The following XYLT2 variants were observed in gnomAD, a reference collection of about 807,000 sequenced individuals.
XYLT2 encodes the protein UDP-D-xylose:proteoglycan core protein beta-D-xylosyltransferase.
A neutral mutation model predicts 82.6 loss-of-function variants in XYLT2; 37 were observed. That is an observed-to-expected ratio of 0.45 (90% CI 0.34 to 0.59). The LOEUF (loss-of-function observed/expected upper bound fraction) is 0.59, where lower values mean the gene tolerates loss of function less well. Among genes scored for constraint, XYLT2 ranks in the 20% least tolerant of loss-of-function variants. The probability of loss-of-function intolerance (pLI) is 0.01; values close to 1 mark genes in which losing one functional copy is unlikely to be tolerated. For missense variants in XYLT2, 934 were observed against 1,181.3 expected (o/e 0.79, Z 3.07); for synonymous variants, 474 against 499.0 (o/e 0.95, Z 0.67).
rs73344080 is a variant in XYLT2 at position 50,346,539 on chromosome 17, A to G, written c.135+264A>G. The G allele has an allele frequency of 0.028, 25,458 of 922,946 alleles. 1,412 individuals carry two copies. Among genetic ancestry groups the G allele is most frequent in the African/African-American group, 0.21 (11,733 of 56,164 alleles). 57.2% of individuals were successfully genotyped at this position (922,946 alleles called of 1,614,324 possible). ...TCGGGCGGGGGGAGCAGGTCATGCT[A>G]GGGTGGTCTCCGGCCAAGGGAGCGA... On this transcript the variant is annotated intron_variant, in intron 1 of 10. Transcript: ENST00000017003. This position sits in a 1 kb window ranked among gnomAD's most constrained non-coding sequence, Gnocchi z 5.1.
At chr17:50,352,775 G>A in intron 1 of XYLT2, among the ~76,000 whole-genome samples, 1 of 152,222 alleles carries the variant, frequency 6.6e-6, no homozygotes, top group East Asian at 1.9e-4. Flanking sequence ...CGAGGTGACA[G>A]CCTCCAGCTG....
At chr17:50,355,378 G>T in intron 4 of XYLT2, 123 bp from the exon 5 acceptor site, 1 of 1,069,214 alleles carries the variant, frequency 9.4e-7, no homozygotes. Context: ...CCAGACATCA[G>T]CCAGGGGTAG....
At chr17:50,350,698 T>TA (rs550112404) in intron 1 of XYLT2, among the ~76,000 whole-genome samples, 8 of 151,794 alleles carry the variant, frequency 5.3e-5, no homozygotes, top group South Asian at 2.1e-4. Flanking sequence ...AAAGACAAAT[T>TA]AAAAAAACAG....
In XYLT2 at chr17:50,353,790, TAACCAGCCGGCAGAG is replaced by T. The variant is rs1567805524; in HGVS notation, c.298_312del (p.Thr100_Arg104del). 2.6e-6 allele frequency: 4 copies of T among 1,564,758 alleles called. No homozygotes were observed. Among genetic ancestry groups the T allele is most frequent in the Non-Finnish European group, 3.5e-6 (4 of 1,155,306 alleles). Reference sequence around the variant, plus strand: ...CCCGTGGCCAAGGTGGTACGGGCAGTAACCAGCCGGCAGAGAGCCAGCCGGCGGGTCCCACCTGCC... The same window carrying T: ...CCCGTGGCCAAGGTGGTACGGGCAGTAGCCAGCCGGCGGGTCCCACCTGCC... On this transcript the variant is annotated inframe_deletion, in exon 2 of 11. Coordinates refer to ENST00000017003, the MANE Select transcript of XYLT2 (RefSeq NM_022167.4).
At chr17:50,353,333 G>A (rs2097844) in intron 1 of XYLT2, among the ~76,000 whole-genome samples, 70,155 of 151,934 alleles carry the variant, frequency 0.46, 16,841 homozygotes, top group Admixed American at 0.56. Flanking sequence ...GCTGAAAAAG[G>A]AAGTGGTATC....
At chr17:50,357,723 G>A (rs1034748822) in intron 9 of XYLT2, 29 of 163,470 alleles carry the variant, frequency 1.8e-4, no homozygotes, top group African/African-American at 6.2e-4. Flanking sequence ...CTACAGGCGC[G>A]CGCCACCACG....
At chr17:50,357,451 G>A (rs900248160) in intron 9 of XYLT2, 199 bp downstream of exon 9, 7 of 548,142 alleles carry the variant, frequency 1.3e-5, no homozygotes, top group Middle Eastern at 4.7e-4. Flanking sequence ...GGTATGCAGA[G>A]GACATGCAGG....
chr17:50,346,598 C>T lies in XYLT2; in HGVS notation c.135+323C>T, dbSNP rs1912053621. The T allele has an allele frequency of 2.0e-6, 2 of 984,442 alleles. No individual in the cohort carries two copies. Among genetic ancestry groups the T allele is most frequent in the Admixed American group, 6.1e-5 (1 of 16,266 alleles). 61.0% of individuals were successfully genotyped at this position (984,442 alleles called of 1,614,324 possible). A position where few individuals can be genotyped will look rare whatever the true frequency, so the allele number is the denominator to read the frequency against. ...AGGCGCGGCGAGCGGGGCTGGGAGG[C>T]GGGGCTGGGCCCGAACCTGCTCGGA... On this transcript the variant is annotated intron_variant, in intron 1 of 10. Transcript: ENST00000017003. The surrounding 1 kb of genome is among the most constrained non-coding windows in gnomAD (Gnocchi z 5.1).
chr17:50,346,672 T>C lies in XYLT2; in HGVS notation c.135+397T>C, dbSNP rs553813898. 1.0e-6 allele frequency: 1 copy of C among 984,906 alleles called. No homozygotes were observed. The highest frequency in any genetic ancestry group is 4.7e-5 in the South Asian group (1 of 21,252). 61.0% of individuals were successfully genotyped at this position (984,906 alleles called of 1,614,324 possible). A position where few individuals can be genotyped will look rare whatever the true frequency, so the allele number is the denominator to read the frequency against. ...TTCTGAAGTTGGGAGGGGGCGGGGA[T>C]ATGCGCGCCGTGGGCGGAGGAGTAG... On this transcript the variant is annotated intron_variant, in intron 1 of 10. Transcript: ENST00000017003. This position sits in a 1 kb window ranked among gnomAD's most constrained non-coding sequence, Gnocchi z 5.1.
intron 2 of XYLT2, 100 bp from the exon 3 acceptor site, chr17:50,354,308 A>C: frequency 6.7e-7 from 1 of 1,502,610 alleles, no homozygotes; most frequent in Non-Finnish European, 8.9e-7. Context: ...TGGAGCTCCA[A>C]GTCTAGGTTT....
At position 50,353,725 on chromosome 17, in the gene XYLT2, G is replaced by A. The variant is rs1393828243; in HGVS notation, c.231G>A (p.Arg77=). Residue 77 remains arginine, a synonymous_variant, in exon 2 of 11, where the codon AGG becomes AGA. Transcript: ENST00000017003. ...SAGRRGSTGR[R]HGRWRGRAES... is the part of the protein sequence containing the mutation. ...GGCGACGGGGCAGCACAGGCAGAAGGCATGGGCGCTGGCGGGGCCGTGCTG... is the reference window on the plus strand; with the variant it reads ...GGCGACGGGGCAGCACAGGCAGAAGACATGGGCGCTGGCGGGGCCGTGCTG... The A allele has an allele frequency of 6.4e-7, 1 of 1,560,220 alleles. No homozygotes were observed. The highest frequency in any genetic ancestry group is 1.2e-5 in the South Asian group (1 of 84,938).
At chr17:50,355,610 C>T in intron 5 of XYLT2, 29 bp downstream of exon 5, 1 of 1,613,224 alleles carries the variant, frequency 6.2e-7, no homozygotes, top group Non-Finnish European at 8.5e-7. Flanking sequence ...AGGCCCTGGC[C>T]CCAGAGTCTT....
intron 7 of XYLT2, 32 bp downstream of exon 7, chr17:50,356,293 A>G (rs375555332): frequency 3.1e-6 from 5 of 1,606,582 alleles, no homozygotes; most frequent in Non-Finnish European, 4.3e-6. Flanking sequence ...GCCCCTGGCT[A>G]GGTCTTCTCC....
At chr17:50,356,444 G>C in intron 7 of XYLT2, 67 bp from the exon 8 acceptor site, 1 of 1,583,658 alleles carries the variant, frequency 6.3e-7, no homozygotes, top group Non-Finnish European at 8.6e-7. Context: ...CAGTGCTGAG[G>C]GGCCAGCCCC....
chr17:50,357,114 C>T lies in XYLT2; in HGVS notation c.1803C>T (p.Phe601=). The stretch of plus-strand genomic sequence containing the variant: ...ACCTGTATTTCTATGACGACCATTT[C>T]CAGGGCTACCTGGTGACGCAGGCGG... ...SVHLYFYDDH[F]QGYLVTQAVQ... The change falls in exon 9 of 11, where the codon TTC becomes TTT. Residue 601 remains phenylalanine (F), a synonymous_variant. Coordinates refer to ENST00000017003, the MANE Select transcript of XYLT2 (RefSeq NM_022167.4). 1 of 1,613,866 alleles carries T rather than the reference C, an allele frequency of 6.2e-7. No individual in the cohort carries two copies.
intron 6 of XYLT2, 39 bp from the exon 7 acceptor site, chr17:50,356,046 G>T: frequency 6.2e-7 from 1 of 1,614,076 alleles, no homozygotes. Flanking sequence ...GGGTTGGGCT[G>T]CCTGCAGCTC....
chr17:50,346,776 A>T lies in XYLT2; in HGVS notation c.135+501A>T. The T allele has an allele frequency of 1.0e-6, 1 of 985,314 alleles. No homozygotes were observed. Among genetic ancestry groups the T allele is most frequent in the South Asian group, 4.7e-5 (1 of 21,276 alleles). The allele number at this position is 985,314 out of a possible 1,614,324, so 61.0% of individuals were successfully genotyped here. On this transcript the variant is annotated intron_variant, in intron 1 of 10. Transcript: ENST00000017003. This position sits in a 1 kb window ranked among gnomAD's most constrained non-coding sequence, Gnocchi z 5.1. ...GTGAGGAAGGGGAGCTCGGGGGTGG[A>T]ATTCAGGCCTGGGACAAAGTGTGTA... is the stretch of plus-strand genomic sequence containing the variant.
chr17:50,355,731 T>A (rs1912492540), intron 5 of XYLT2, 50 bp from the exon 6 acceptor site: 4 of 1,606,060 alleles, frequency 2.5e-6, no homozygotes, highest in Admixed American at 3.4e-5. Flanking sequence ...TGAAAGAGCT[T>A]AGACCCCACC....
chr17:50,346,322 CG>C lies in XYLT2; in HGVS notation c.135+51del. 3.9e-6 allele frequency: 4 copies of C among 1,022,374 alleles called. No individual in the cohort carries two copies. Among genetic ancestry groups the C allele is most frequent in the Non-Finnish European group, 4.7e-6 (4 of 855,586 alleles). The allele number at this position is 1,022,374 out of a possible 1,614,324, so 63.3% of individuals were successfully genotyped here. ...CGGGCAGGCCGGGCGCGGGGGCGCGCGGGGTCCTGGCGGGGCTGCGGGCGGC... is the reference window on the plus strand; with the variant it reads ...CGGGCAGGCCGGGCGCGGGGGCGCGCGGGTCCTGGCGGGGCTGCGGGCGGC... On this transcript the variant is annotated intron_variant, in intron 1 of 10. Coordinates refer to ENST00000017003, the MANE Select transcript of XYLT2 (RefSeq NM_022167.4). This position sits in a 1 kb window ranked among gnomAD's most constrained non-coding sequence, Gnocchi z 5.1.
Sources: gnomAD v4.1 joint callset for allele counts (sites outside exome capture counted in the v4.1 genomes callset) on GRCh38, gnomAD v4.1.1 for gene constraint, Gnocchi (gnomAD v3.1) non-coding constraint, MANE v1.5 for transcripts, NCBI Gene and HGNC (gene_info 2026-07-23, HGNC 2026-07-21) for gene names.